The following SERPINB9 variants were observed in gnomAD, a reference collection of about 807,000 sequenced individuals.
SERPINB9 encodes serpin B9.
Under a neutral mutation model 27.2 loss-of-function variants are expected in SERPINB9, and 20 were observed. The ratio of observed to expected loss-of-function variants is 0.74; its 90% CI spans 0.52 to 1.07. The LOEUF is 1.07. Ranked by LOEUF, SERPINB9 falls within the 50% of genes least tolerant of loss-of-function variation. The pLI is 0.00. For synonymous variants in SERPINB9, 189 were observed against 180.0 expected (o/e 1.05, Z -0.40); for missense variants, 476 against 460.1 (o/e 1.03, Z -0.32).
chr6:2,893,387 A>G (rs377288477), intron 5 of SERPINB9, 24 bp downstream of exon 5: 119 of 1,592,258 alleles, frequency 7.5e-5, no homozygotes, highest in Non-Finnish European at 1.0e-4. Context: ...TCAAACTAGC[A>G]GGATTTTAAA....
chr6:2,897,818 A>C (rs1347214272), intron 2 of SERPINB9, among the ~76,000 whole-genome samples: 1 of 152,238 alleles, frequency 6.6e-6, no homozygotes, highest in Non-Finnish European at 1.5e-5. Context: ...AAAAGAGGTT[A>C]CAGCAATATA....
At position 2,890,166 on chromosome 6, in the gene SERPINB9, T is replaced by C; in HGVS notation, c.1128A>G (p.Pro376=). The change falls in exon 7 of 7, where the codon CCA becomes CCG. Residue 376 remains proline (P), a synonymous_variant. Coordinates refer to ENST00000380698, the MANE Select transcript of SERPINB9 (RefSeq NM_004155.6). The surrounding 1 kb of genome is among the most constrained non-coding windows in gnomAD (Gnocchi z 6.2). ...GAGTGCACGGTAAGTGCACCCTTTA[T>C]GGCGATGAGAACCTGCCACAGAACA... ...SILFCGRFSS[P] is the part of the protein sequence containing the mutation. The C allele has an allele frequency of 6.2e-7, 1 of 1,612,376 alleles. No individual in the cohort carries two copies.
rs10714355 is a variant in SERPINB9, at chr6:2,889,698, GA to G, written c.*464del. 0.39 allele frequency: 39,662 copies of G among 101,346 alleles called. 5,769 individuals carry two copies. The highest frequency in any genetic ancestry group is 0.42 in the Middle Eastern group (73 of 172). 6.3% of individuals were successfully genotyped at this position (101,346 alleles called of 1,614,324 possible). A position where few individuals can be genotyped will look rare whatever the true frequency, so the allele number is the denominator to read the frequency against. On this transcript the variant is annotated 3_prime_UTR_variant, in exon 7 of 7. Coordinates refer to ENST00000380698, the MANE Select transcript of SERPINB9 (RefSeq NM_004155.6). ...CGACAGAGAGCCAGACTGCGTCTCA[GA>G]AAAAAAAAAAAAAAAAAGATAAAAT...
chr6:2,890,505 A>G lies in SERPINB9; in HGVS notation c.789T>C (p.Thr263=). Residue 263 remains threonine, a synonymous_variant, in exon 7 of 7, where the codon ACT becomes ACC. Coordinates refer to ENST00000380698, the MANE Select transcript of SERPINB9 (RefSeq NM_004155.6). This position sits in a 1 kb window ranked among gnomAD's most constrained non-coding sequence, Gnocchi z 6.2. The part of the protein sequence containing the change: ...AWTKPDCMKS[T]EVEVLLPKFK... ...ATTTTGGAAGGAGAACTTCAACCTC[A>G]GTACTCTTCATACAGTCTGGCTTGG... The G allele has an allele frequency of 6.2e-7, 1 of 1,614,214 alleles. No homozygotes were observed. Among genetic ancestry groups the G allele is most frequent in the Non-Finnish European group, 8.5e-7 (1 of 1,180,030 alleles).
intron 3 of SERPINB9, among the ~76,000 whole-genome samples, 200 bp from the exon 4 acceptor site, chr6:2,895,708 G>C (rs1767973010): frequency 6.6e-6 from 1 of 151,990 alleles, no homozygotes; most frequent in South Asian, 2.1e-4. Context: ...AAATGAACTT[G>C]AGAATTTTAC....
At chr6:2,900,675 G>C in intron 1 of SERPINB9, 54 bp from the exon 2 acceptor site, 1 of 1,503,578 alleles carries the variant, frequency 6.7e-7, no homozygotes, top group Non-Finnish European at 9.2e-7. Context: ...GAATGTTACT[G>C]ACCTACTTAC....
chr6:2,899,745 GTCA>G (rs1240216664), intron 2 of SERPINB9: 27 of 283,304 alleles, frequency 9.5e-5, no homozygotes, highest in African/African-American at 5.8e-4. Context: ...ATTGAAAAGC[GTCA>G]TCAAAGAAAA....
chr6:2,891,926 G>T lies in SERPINB9; in HGVS notation c.630C>A (p.Gly210=). ...QEATFKLAHV[G]EVRAQLLELP... is the part of the protein sequence containing the mutation. ...GCTCCAGCAGCTGCGCGCGCACCTCGCCCACGTGGGCGAGCTTAAACGTGG... is the reference window on the plus strand; with the variant it reads ...GCTCCAGCAGCTGCGCGCGCACCTCTCCCACGTGGGCGAGCTTAAACGTGG... Residue 210 remains glycine, a synonymous_variant, in exon 6 of 7, where the codon GGC becomes GGA. Coordinates refer to ENST00000380698, the MANE Select transcript of SERPINB9 (RefSeq NM_004155.6). The surrounding 1 kb of genome is among the most constrained non-coding windows in gnomAD (Gnocchi z 4.0). 2 of 1,613,010 alleles carry T rather than the reference G, an allele frequency of 1.2e-6. No individual in the cohort carries two copies. The highest frequency in any genetic ancestry group is 1.7e-6 in the Non-Finnish European group (2 of 1,179,826).
At chr6:2,896,465 C>G (rs1158125275) in intron 2 of SERPINB9, among the ~76,000 whole-genome samples, 1 of 151,496 alleles carries the variant, frequency 6.6e-6, no homozygotes, top group Non-Finnish European at 1.5e-5. Context: ...AAAAAAGATG[C>G]AGTTAAAAAG....
chr6:2,902,159 A>G (rs3799229), intron 1 of SERPINB9, among the ~76,000 whole-genome samples: 20,976 of 152,140 alleles, frequency 0.14, 1,612 homozygotes, highest in African/African-American at 0.21. Flanking sequence ...TCAACTCTTC[A>G]CAAACACTGT....
rs1767933869 is a variant in SERPINB9, at chr6:2,894,720, T to A, written c.424+671A>T. Among the ~76,000 whole-genome samples, 5 of 152,354 alleles carry A rather than the reference T, an allele frequency of 3.3e-5. No individual in the cohort carries two copies. In the South Asian group the frequency reaches 1.0e-3, roughly 32 times the overall value. On this transcript the variant is annotated intron_variant, in intron 4 of 6. Coordinates refer to ENST00000380698, the MANE Select transcript of SERPINB9 (RefSeq NM_004155.6). The surrounding 1 kb of genome is among the most constrained non-coding windows in gnomAD (Gnocchi z 4.7). ...GGAGAGTATATTTTAATGCAAGTTA[T>A]TAAACTGGAAACCTGGCCTGAGATT...
intron 5 of SERPINB9, 140 bp from the exon 6 acceptor site, chr6:2,892,128 A>AAAAAAAAAAAAAAAAC: frequency 1.3e-6 from 1 of 788,996 alleles, no homozygotes; most frequent in African/African-American, 1.8e-5. Context: ...AAAAAAAAAA[A>AAAAAAAAAAAAAAAAC]AAAAAAAAGT....
intron 2 of SERPINB9, among the ~76,000 whole-genome samples, 182 bp from the exon 3 acceptor site, chr6:2,896,372 G>C (rs1767999611): frequency 6.6e-6 from 1 of 152,004 alleles, no homozygotes; most frequent in Non-Finnish European, 1.5e-5. Flanking sequence ...CAGAAAAGAG[G>C]TTGTGATAAA....
Position 2,891,896 on chromosome 6 carries a change from G to A in SERPINB9, c.660C>T (p.Pro220=), listed in dbSNP as rs61748573. The change falls in exon 6 of 7, where the codon CCC becomes CCT. Residue 220 remains proline (P), a synonymous_variant. Transcript: ENST00000380698. This position sits in a 1 kb window ranked among gnomAD's most constrained non-coding sequence, Gnocchi z 4.0. The part of the protein sequence containing the change: ...GEVRAQLLEL[P]YARKELSLLV... The stretch of plus-strand genomic sequence containing the variant: ...GCAGGCTCAGCTCCTTCCTGGCGTA[G>A]GGCAGCTCCAGCAGCTGCGCGCGCA... 42,257 of 1,612,452 alleles carry A rather than the reference G, an allele frequency of 0.026. 664 individuals carry two copies. Among genetic ancestry groups the A allele is most frequent in the Non-Finnish European group, 0.029 (34,237 of 1,179,774 alleles).
Position 2,890,524 on chromosome 6 carries a change from G to C in SERPINB9, c.770C>G (p.Pro257Arg). ...AACCTCAGTACTCTTCATACAGTCT[G>C]GCTTGGTCCAGGCTGTGAGTTTCTC... ...TFEKLTAWTK[P>R]DCMKSTEVEV... Residue 257 changes from proline (P) to arginine (R), a missense_variant, in exon 7 of 7, where the codon CCA becomes CGA. Physicochemically the swap from Pro to Arg is moderately radical, Grantham distance 103. Coordinates refer to ENST00000380698, the MANE Select transcript of SERPINB9 (RefSeq NM_004155.6). This position sits in a 1 kb window ranked among gnomAD's most constrained non-coding sequence, Gnocchi z 6.2. The C allele has an allele frequency of 6.2e-7, 1 of 1,613,744 alleles. No homozygotes were observed. Among genetic ancestry groups the C allele is most frequent in the Non-Finnish European group, 8.5e-7 (1 of 1,179,642 alleles).
intron 1 of SERPINB9, among the ~76,000 whole-genome samples, chr6:2,902,960 G>A (rs1212422736): frequency 2.0e-5 from 3 of 152,190 alleles, no homozygotes; most frequent in East Asian, 1.9e-4. Flanking sequence ...GAAGGGCAGC[G>A]AGGAGACATC....
chr6:2,895,799 T>TA (rs542250218), intron 3 of SERPINB9, among the ~76,000 whole-genome samples: 50 of 145,052 alleles, frequency 3.4e-4, no homozygotes, highest in African/African-American at 4.5e-4. Flanking sequence ...TTGCAGTCTT[T>TA]AAAAAAAAAA....
rs569105980 is a variant in SERPINB9, at chr6:2,893,369, C to T, written c.567+42G>A. The T allele has an allele frequency of 6.1e-4, 958 of 1,574,738 alleles. 16 individuals are homozygous for T. In the South Asian group the frequency reaches 0.01, roughly 17 times the overall value. On this transcript the variant is annotated intron_variant, in intron 5 of 6. Coordinates refer to ENST00000380698, the MANE Select transcript of SERPINB9 (RefSeq NM_004155.6). Reference sequence around the variant, plus strand: ...TACAAAGTTAAATCTTTCCATTCAACTTCTTCATCAAACTAGCAGGATTTT... The same window carrying T: ...TACAAAGTTAAATCTTTCCATTCAATTTCTTCATCAAACTAGCAGGATTTT...
In SERPINB9 at chr6:2,890,369, G is replaced by C; in HGVS notation, c.925C>G (p.Leu309Val). 4 of 1,614,194 alleles carry C rather than the reference G, an allele frequency of 2.5e-6. No homozygotes were observed. The highest frequency in any genetic ancestry group is 3.4e-6 in the Non-Finnish European group (4 of 1,180,018). The change falls in exon 7 of 7, where the codon CTG (leucine) becomes GTG (valine). Residue 309 changes from leucine (L) to valine (V), a missense_variant. Coordinates refer to ENST00000380698, the MANE Select transcript of SERPINB9 (RefSeq NM_004155.6). The surrounding 1 kb of genome is among the most constrained non-coding windows in gnomAD (Gnocchi z 6.2). ...DLSAMSAERD[L>V]CLSKFVHKSF... Reference sequence around the variant, plus strand: ...TTGTGCACGAACTTGGACAGACACAGGTCTCTCTCCGCTGACATTGCCGAC... The same window carrying C: ...TTGTGCACGAACTTGGACAGACACACGTCTCTCTCCGCTGACATTGCCGAC...
Sources: gnomAD v4.1 joint callset for allele counts (sites outside exome capture counted in the v4.1 genomes callset) on GRCh38, gnomAD v4.1.1 for gene constraint, Gnocchi (gnomAD v3.1) non-coding constraint, MANE v1.5 for transcripts, NCBI Gene and HGNC (gene_info 2026-07-23, HGNC 2026-07-21) for gene names.